EDIL3: variants seen among roughly 807,000 people sequenced by gnomAD.
EDIL3 encodes the protein EGF-like repeat and discoidin I-like domain-containing protein 3.
A neutral mutation model predicts 67.4 loss-of-function variants in EDIL3; 37 were observed. The ratio of observed to expected loss-of-function variants is 0.55; its 90% confidence interval spans 0.42 to 0.72. The LOEUF is 0.72. Among genes scored for constraint, EDIL3 ranks in the 30% least tolerant of loss-of-function variants. The probability of loss-of-function intolerance (pLI) is 0.00; values close to 1 mark genes in which losing one functional copy is unlikely to be tolerated. For missense variants in EDIL3, 527 were observed against 586.3 expected (o/e 0.90, Z 1.04); for synonymous variants, 195 against 196.3 (o/e 0.99, Z 0.05).
At chr5:84,066,146 C>A (rs1048778036) in intron 7 of EDIL3, among the ~76,000 whole-genome samples, 1 of 149,034 alleles carries the variant, frequency 6.7e-6, no homozygotes, top group African/African-American at 2.5e-5. Context: ...GCGTTAATCA[C>A]GAAAGCAATA....
At chr5:84,030,509 C>A (rs28534801) in intron 9 of EDIL3, among the ~76,000 whole-genome samples, 62,136 of 151,498 alleles carry the variant, frequency 0.41, 14,812 homozygotes, top group African/African-American at 0.67. Context: ...ATGAAAAAAT[C>A]GCACAAGAAC....
chr5:84,314,983 G>A (rs1295501305), intron 1 of EDIL3, among the ~76,000 whole-genome samples: 3 of 152,042 alleles, frequency 2.0e-5, no homozygotes, highest in African/African-American at 7.2e-5. Context: ...GTGCTACTAA[G>A]TGTTCACAAT....
chr5:84,042,604 C>T (rs558512641), intron 9 of EDIL3, among the ~76,000 whole-genome samples: 9 of 152,080 alleles, frequency 5.9e-5, no homozygotes, highest in Admixed American at 4.6e-4. Flanking sequence ...TTTAATTGAA[C>T]CTATTCTACT....
chr5:83,946,569 C>T (rs1227210446), intron 10 of EDIL3, among the ~76,000 whole-genome samples: 6 of 151,846 alleles, frequency 4.0e-5, no homozygotes, highest in African/African-American at 9.7e-5. Flanking sequence ...AATCTCAGCA[C>T]GGAGAGAATA....
rs536369941 is a variant in EDIL3 at position 83,952,617 on chromosome 5, C to T, written c.1294-9049G>A. On this transcript the variant is annotated intron_variant, in intron 10 of 10. Coordinates refer to ENST00000296591, the MANE Select transcript of EDIL3 (RefSeq NM_005711.5). ...TGAGAAATGTAGAAATGCCTTTCCTCTTTTCTATAAAAGTACAGAGCAACT... is the reference window on the plus strand; with the variant it reads ...TGAGAAATGTAGAAATGCCTTTCCTTTTTTCTATAAAAGTACAGAGCAACT... 3.9e-5 allele frequency among the ~76,000 whole-genome samples: 6 copies of T among 151,922 alleles called. No homozygotes were observed. In the East Asian group the frequency reaches 1.2e-3, roughly 30 times the overall value.
At chr5:84,068,850 A>C (rs182773777) in intron 6 of EDIL3, among the ~76,000 whole-genome samples, 1 of 152,312 alleles carries the variant, frequency 6.6e-6, no homozygotes, top group East Asian at 1.9e-4. Context: ...AGTCATACTC[A>C]AATTTAATAC....
At chr5:84,094,955 G>T (rs959620141) in intron 6 of EDIL3, among the ~76,000 whole-genome samples, 3 of 152,132 alleles carry the variant, frequency 2.0e-5, no homozygotes, top group Non-Finnish European at 4.4e-5. Context: ...GAAGTTCAGA[G>T]AATTTTCATG....
At chr5:84,352,065 G>A (rs937985154) in intron 1 of EDIL3, among the ~76,000 whole-genome samples, 3 of 151,956 alleles carry the variant, frequency 2.0e-5, no homozygotes, top group Non-Finnish European at 4.4e-5. Context: ...ACAGAGAAAT[G>A]CAAATTAAAA....
rs139183156 is a variant in EDIL3 at position 83,965,330 on chromosome 5, T to C, written c.1138-1970A>G. ...TTTATCATGAATTTCTTCTCTGTTCTTCAGCTGTCTGGGCTTTAAAATATA... is the reference window on the plus strand; with the variant it reads ...TTTATCATGAATTTCTTCTCTGTTCCTCAGCTGTCTGGGCTTTAAAATATA... On this transcript the variant is annotated intron_variant, in intron 9 of 10. Coordinates refer to ENST00000296591, the MANE Select transcript of EDIL3 (RefSeq NM_005711.5). 4.1e-4 allele frequency among the ~76,000 whole-genome samples: 62 copies of C among 152,246 alleles called. No homozygotes were observed. The East Asian group carries it at 0.011, about 28-fold the overall frequency.
intron 5 of EDIL3, among the ~76,000 whole-genome samples, chr5:84,132,449 A>ATTT (rs1162886022): frequency 5.2e-5 from 6 of 116,228 alleles, no homozygotes; most frequent in African/African-American, 2.1e-4. Flanking sequence ...ATATTTTAAC[A>ATTT]TATATTATGT....
chr5:84,125,438 T>C (rs72776516), intron 5 of EDIL3, among the ~76,000 whole-genome samples: 16,460 of 152,042 alleles, frequency 0.11, 1,015 homozygotes, highest in Middle Eastern at 0.16. Context: ...TGCAAAAGCT[T>C]AACTTCCTTA....
intron 2 of EDIL3, among the ~76,000 whole-genome samples, chr5:84,250,006 C>A (rs1744991652): frequency 6.6e-6 from 1 of 152,106 alleles, no homozygotes; most frequent in Non-Finnish European, 1.5e-5. Context: ...TAATATAGCT[C>A]CCAATTACAC....
chr5:84,194,918 T>TA (rs953395494), intron 3 of EDIL3, among the ~76,000 whole-genome samples: 1 of 151,892 alleles, frequency 6.6e-6, no homozygotes, highest in African/African-American at 2.4e-5. Context: ...ATTGAAATGA[T>TA]AAAAAAATTA....
intron 9 of EDIL3, among the ~76,000 whole-genome samples, chr5:84,010,089 C>T (rs141708402): frequency 2.6e-5 from 4 of 152,302 alleles, no homozygotes; most frequent in East Asian, 3.9e-4. Context: ...TGCCAACATT[C>T]GTGCCTACAA....
intron 9 of EDIL3, among the ~76,000 whole-genome samples, chr5:84,028,119 CACT>C (rs1745850963): frequency 1.3e-5 from 2 of 152,204 alleles, no homozygotes; most frequent in African/African-American, 4.8e-5. Context: ...CGGCCTCATA[CACT>C]ACTATCCATG....
intron 6 of EDIL3, among the ~76,000 whole-genome samples, chr5:84,095,060 C>T (rs769692712): frequency 2.2e-4 from 34 of 152,146 alleles, no homozygotes; most frequent in Non-Finnish European, 1.5e-5. Context: ...GTTCCAACAA[C>T]AAGGTTCCCA....
rs1447798030 is a variant in EDIL3, at chr5:84,066,687, CATT to C, written c.652-84_652-82del. On this transcript the variant is annotated intron_variant, in intron 6 of 10. Transcript: ENST00000296591. ...GAAAATACGAATTTTAGAAATGAAA[CATT>C]GTTAATGCAGATTAATAATAACATA... The C allele has an allele frequency of 3.3e-6, 5 of 1,504,422 alleles. No individual in the cohort carries two copies. In the East Asian group the frequency reaches 1.2e-4, roughly 35 times the overall value. 93.2% of individuals were successfully genotyped at this position (1,504,422 alleles called of 1,614,324 possible).
At chr5:84,132,555 T>TTAATATATATTATATATTTTATATATAA (rs1420117752) in intron 5 of EDIL3, among the ~76,000 whole-genome samples, 2 of 93,816 alleles carry the variant, frequency 2.1e-5, no homozygotes, top group African/African-American at 8.3e-5. Context: ...AATATATATT[T>TTAATATATATTATATATTTTATATATAA]TATATATTTT....
intron 2 of EDIL3, among the ~76,000 whole-genome samples, chr5:84,243,012 C>T (rs1744829291): frequency 6.6e-6 from 1 of 151,958 alleles, no homozygotes; most frequent in South Asian, 2.1e-4. Context: ...TCACAGAATC[C>T]CCTTCCCGTT....
Sources: gnomAD v4.1 joint callset for allele counts (sites outside exome capture counted in the v4.1 genomes callset) on GRCh38, gnomAD v4.1.1 for gene constraint, MANE v1.5 for transcripts, NCBI Gene and HGNC (gene_info 2026-07-23, HGNC 2026-07-21) for gene names.